Variants in PLCL2 observed in about 807,000 individuals in gnomAD.
PLCL2 encodes phospholipase C like 2, also known as inactive phospholipase C-like protein 2.
In PLCL2, 4 loss-of-function variants were observed where a neutral mutation model predicts 79.6. That is an observed-to-expected ratio of 0.05 (90% CI 0.02 to 0.11). The LOEUF (loss-of-function observed/expected upper bound fraction) is 0.11. Ranked by LOEUF, PLCL2 falls within the 10% of genes least tolerant of loss-of-function variation. The pLI is 1.00. For missense variants in PLCL2, 895 were observed against 1,291.0 expected (o/e 0.69, Z 4.70); for synonymous variants, 484 against 457.7 (o/e 1.06, Z -0.73).
intron 4 of PLCL2, among the ~76,000 whole-genome samples, chr3:17,060,514 A>G (rs1341304067): frequency 6.6e-6 from 1 of 152,172 alleles, no homozygotes; most frequent in Non-Finnish European, 1.5e-5. Context: ...CACAAGGATT[A>G]GGATGTAAAC....
chr3:17,081,822 A>G (rs2065165280), intron 5 of PLCL2, among the ~76,000 whole-genome samples: 1 of 152,254 alleles, frequency 6.6e-6, no homozygotes, highest in Non-Finnish European at 1.5e-5. Flanking sequence ...CACTGCCCTT[A>G]GTTACATCTT....
At position 17,010,231 on chromosome 3, in the gene PLCL2, T is replaced by C. The variant is rs751675093; in HGVS notation, c.885T>C (p.Cys295=). The part of the protein sequence containing the change: ...GHITLCNAVQ[C]IRNLNPGLKT... ...TAACTCTGTGTAATGCTGTGCAATG[T>C]ATCAGAAACCTCAATCCTGGTTTAA... Residue 295 remains cysteine (C), a synonymous_variant, in exon 2 of 6, where the codon TGT becomes TGC. Transcript: ENST00000615277. The surrounding 1 kb of genome is among the most constrained non-coding windows in gnomAD (Gnocchi z 5.8). 3 of 1,613,966 alleles carry C rather than the reference T, an allele frequency of 1.9e-6. No individual in the cohort carries two copies. The East Asian group carries it at 6.7e-5, about 36-fold the overall frequency.
At chr3:17,043,202 G>A (rs554452019) in intron 4 of PLCL2, among the ~76,000 whole-genome samples, 2 of 152,256 alleles carry the variant, frequency 1.3e-5, no homozygotes, top group East Asian at 3.9e-4. Context: ...AAATTCCCAG[G>A]TGTTTCTAAT....
chr3:17,079,078 A>G (rs1306235321), intron 5 of PLCL2, among the ~76,000 whole-genome samples: 1 of 152,150 alleles, frequency 6.6e-6, no homozygotes, highest in Non-Finnish European at 1.5e-5. Flanking sequence ...GACTGTGTAA[A>G]TGGTGTGCTT....
intron 1 of PLCL2, among the ~76,000 whole-genome samples, chr3:16,901,263 G>A (rs1696612744): frequency 6.6e-6 from 1 of 152,232 alleles, no homozygotes; most frequent in African/African-American, 2.4e-5. Context: ...GGAAGGGGCT[G>A]CTCCTGAGAT....
chr3:17,043,054 A>C, intron 4 of PLCL2, 105 bp downstream of exon 4: 1 of 764,836 alleles, frequency 1.3e-6, no homozygotes, highest in East Asian at 2.6e-5. Flanking sequence ...AAATCAAATA[A>C]GAAAATTATT....
At chr3:17,074,037 G>A (rs186361719) in intron 5 of PLCL2, among the ~76,000 whole-genome samples, 14 of 152,304 alleles carry the variant, frequency 9.2e-5, no homozygotes, top group African/African-American at 1.7e-4. Flanking sequence ...TATTAATGGC[G>A]TCTTAGAATG....
chr3:16,963,591 T>G (rs192381869), intron 1 of PLCL2, among the ~76,000 whole-genome samples: 2 of 152,322 alleles, frequency 1.3e-5, no homozygotes, highest in Admixed American at 6.5e-5. Flanking sequence ...CTCATCCTTG[T>G]GACTGAATTC....
chr3:17,008,054 T>C (rs1012343088), intron 1 of PLCL2, among the ~76,000 whole-genome samples: 4 of 152,200 alleles, frequency 2.6e-5, no homozygotes, highest in African/African-American at 9.6e-5. Context: ...GATGAGAACA[T>C]GTTACCTTAA....
At chr3:16,966,464 T>C (rs535856098) in intron 1 of PLCL2, among the ~76,000 whole-genome samples, 2 of 152,260 alleles carry the variant, frequency 1.3e-5, no homozygotes, top group Admixed American at 6.5e-5. Context: ...ATCAAGGATA[T>C]TGGTCTAAAA....
chr3:17,042,403 G>T (rs2064734169), intron 3 of PLCL2, among the ~76,000 whole-genome samples: 1 of 152,130 alleles, frequency 6.6e-6, no homozygotes, highest in South Asian at 2.1e-4. Flanking sequence ...ATAAATAAAT[G>T]CTATTTTTTA....
At chr3:17,023,506 T>G (rs771119601) in intron 3 of PLCL2, among the ~76,000 whole-genome samples, 10 of 152,188 alleles carry the variant, frequency 6.6e-5, no homozygotes, top group African/African-American at 1.2e-4. Flanking sequence ...CTGATGGGTT[T>G]ATCAGGGATT....
chr3:16,979,926 G>A (rs1329872453), intron 1 of PLCL2, among the ~76,000 whole-genome samples: 1 of 150,384 alleles, frequency 6.6e-6, no homozygotes, highest in Non-Finnish European at 1.5e-5. Flanking sequence ...AGGCAGAGGC[G>A]ACCCTCACCT....
chr3:17,009,629 C>T lies in PLCL2; in HGVS notation c.328-45C>T. The T allele has an allele frequency of 1.0e-6, 1 of 984,656 alleles. No homozygotes were observed. Among genetic ancestry groups the T allele is most frequent in the East Asian group, 2.6e-5 (1 of 38,486 alleles). 61.0% of individuals were successfully genotyped at this position (984,656 alleles called of 1,614,324 possible). On this transcript the variant is annotated intron_variant, in intron 1 of 5. Transcript: ENST00000615277. The surrounding 1 kb of genome is among the most constrained non-coding windows in gnomAD (Gnocchi z 4.0). ...CTATTCATAATCTTGAACATAGAAA[C>T]CTATATTTATGTTATTCTAATATAC... is the stretch of plus-strand genomic sequence containing the variant.
intron 1 of PLCL2, among the ~76,000 whole-genome samples, chr3:16,903,046 G>T (rs1012674816): frequency 6.6e-6 from 1 of 152,054 alleles, no homozygotes; most frequent in African/African-American, 2.4e-5. Context: ...AGAAGCATTT[G>T]TTTTTCGTAG....
chr3:16,926,392 T>C (rs1485171151), intron 1 of PLCL2, among the ~76,000 whole-genome samples: 2 of 152,236 alleles, frequency 1.3e-5, no homozygotes, highest in Non-Finnish European at 2.9e-5. Context: ...TAACAGTATC[T>C]ACCTCTAGAT....
intron 1 of PLCL2, among the ~76,000 whole-genome samples, chr3:16,972,455 T>G (rs779623474): frequency 6.6e-6 from 1 of 152,188 alleles, no homozygotes; most frequent in African/African-American, 2.4e-5. Context: ...CATGTGCAAA[T>G]AAGAAGAATG....
chr3:17,025,326 T>TA (rs1240691697), intron 3 of PLCL2, among the ~76,000 whole-genome samples: 3 of 152,168 alleles, frequency 2.0e-5, no homozygotes, highest in African/African-American at 7.2e-5. Flanking sequence ...TATACTTTTT[T>TA]ATGGAGAAAT....
chr3:16,935,533 G>A (rs989426211), intron 1 of PLCL2, among the ~76,000 whole-genome samples: 16 of 151,910 alleles, frequency 1.1e-4, no homozygotes, highest in South Asian at 2.1e-4. Flanking sequence ...TAATTCATCC[G>A]GAATTTTCGG....
Sources: gnomAD v4.1 joint callset for allele counts (sites outside exome capture counted in the v4.1 genomes callset) on GRCh38, gnomAD v4.1.1 for gene constraint, Gnocchi (gnomAD v3.1) non-coding constraint, MANE v1.5 for transcripts, NCBI Gene and HGNC (gene_info 2026-07-23, HGNC 2026-07-21) for gene names.